Variants in ARHGAP22 observed in about 807,000 individuals in gnomAD.
ARHGAP22 encodes rho GTPase-activating protein 22.
Under a neutral mutation model 59.1 loss-of-function variants are expected in ARHGAP22, and 48 were observed. The observed-to-expected ratio is 0.81, with a 90% CI of 0.64 to 1.03. The LOEUF is 1.03. Among genes scored for constraint, ARHGAP22 ranks in the 50% least tolerant of loss-of-function variants. The pLI is 0.00. For synonymous variants in ARHGAP22, 445 were observed against 416.4 expected (o/e 1.07, Z -0.84); for missense variants, 1,015 against 958.7 (o/e 1.06, Z -0.78).
intron 2 of ARHGAP22, among the ~76,000 whole-genome samples, chr10:48,558,723 T>G (rs556488451): frequency 2.6e-5 from 4 of 152,276 alleles, no homozygotes; most frequent in South Asian, 4.1e-4. Context: ...ACCCCACCCT[T>G]GAGTTTCTAA....
At chr10:48,501,678 T>C (rs1841760064) in intron 3 of ARHGAP22, among the ~76,000 whole-genome samples, 1 of 151,180 alleles carries the variant, frequency 6.6e-6, no homozygotes, top group South Asian at 2.1e-4. Context: ...TTAGTAAACA[T>C]AACTGGGAAC....
chr10:48,654,703 G>A (rs1421019373), upstream of ARHGAP22, among the ~76,000 whole-genome samples: 1 of 152,094 alleles, frequency 6.6e-6, no homozygotes, highest in Non-Finnish European at 1.5e-5. Context: ...TGCTGTATGA[G>A]AGGAGAGAGA....
rs2045342332 is a variant in ARHGAP22, at chr10:48,446,281, C to T, written c.*110G>A. The stretch of plus-strand genomic sequence containing the variant: ...CACAGAGGTATCAGGATCTCTCTCT[C>T]TCCAGCTGGCTCCAGAGCGCCTGGC... On this transcript the variant is annotated 3_prime_UTR_variant, in exon 10 of 10. Transcript: ENST00000249601. The T allele has an allele frequency of 6.0e-6, 7 of 1,170,294 alleles. No individual in the cohort carries two copies. The East Asian group carries it at 1.4e-4, about 24-fold the overall frequency. The allele number at this position is 1,170,294 out of a possible 1,614,324, so 72.5% of individuals were successfully genotyped here. A position where few individuals can be genotyped will look rare whatever the true frequency, so the allele number is the denominator to read the frequency against.
chr10:48,540,233 C>T (rs1023287122), intron 3 of ARHGAP22, among the ~76,000 whole-genome samples: 1 of 152,204 alleles, frequency 6.6e-6, no homozygotes, highest in African/African-American at 2.4e-5. Flanking sequence ...CCATAGAGAT[C>T]AGGCAGGTAA....
At chr10:48,616,053 T>C (rs1050901883) in intron 1 of ARHGAP22, among the ~76,000 whole-genome samples, 4 of 152,178 alleles carry the variant, frequency 2.6e-5, no homozygotes, top group African/African-American at 7.2e-5. Context: ...CTCTGCTTTA[T>C]TGTGCTTCAC....
chr10:48,536,239 T>A (rs1341033161), intron 3 of ARHGAP22, among the ~76,000 whole-genome samples: 2 of 152,178 alleles, frequency 1.3e-5, no homozygotes, highest in Non-Finnish European at 2.9e-5. Context: ...CAGGGTGGTA[T>A]CTTCCAAGCT....
At chr10:48,517,639 C>T (rs145203484) in intron 3 of ARHGAP22, among the ~76,000 whole-genome samples, 43 of 152,238 alleles carry the variant, frequency 2.8e-4, no homozygotes, top group African/African-American at 7.9e-4. Context: ...AGAGCCAACC[C>T]CCTAACCCTG....
chr10:48,608,251 A>T (rs576053535), upstream of ARHGAP22, among the ~76,000 whole-genome samples: 2 of 152,292 alleles, frequency 1.3e-5, no homozygotes, highest in South Asian at 4.1e-4. Context: ...ATCTGTCCCA[A>T]GCCCCAACTT....
chr10:48,580,902 G>T (rs1250635219), intron 2 of ARHGAP22, among the ~76,000 whole-genome samples: 1 of 145,480 alleles, frequency 6.9e-6, no homozygotes, highest in East Asian at 2.1e-4. Context: ...AGGTAATATT[G>T]TCTCCATTTT....
At chr10:48,497,519 C>T (rs180727837) in intron 3 of ARHGAP22, among the ~76,000 whole-genome samples, 6 of 152,288 alleles carry the variant, frequency 3.9e-5, no homozygotes, top group East Asian at 3.9e-4. Flanking sequence ...GAGGGAGTGC[C>T]GGTGGTCAGC....
Position 48,450,641 on chromosome 10 carries a change from G to A in ARHGAP22, c.1488C>T (p.Pro496=), listed in dbSNP as rs373370400. The A allele has an allele frequency of 9.7e-6, 15 of 1,549,830 alleles. No homozygotes were observed. The African/African-American group carries it at 1.8e-4, about 18-fold the overall frequency. The change falls in exon 9 of 10, where the codon CCC becomes CCT. Residue 496 remains proline, a synonymous_variant. Coordinates refer to ENST00000249601, the MANE Select transcript of ARHGAP22 (RefSeq NM_021226.4). ...VQRLSTYDNV[P]APGLVPGIPS... ...GTATGCCGGGGACCAGGCCCGGCGC[G>A]GGCACATTGTCGTAGGTGGAGAGTC...
upstream of ARHGAP22, chr10:48,652,738 T>C (rs1164795557): frequency 6.2e-6 from 1 of 161,316 alleles, no homozygotes; most frequent in East Asian, 1.8e-4. Flanking sequence ...TAGAAATAAG[T>C]ACAAACAACA....
chr10:48,441,089 C>T (rs2045188406), downstream of ARHGAP22, among the ~76,000 whole-genome samples: 1 of 152,176 alleles, frequency 6.6e-6, no homozygotes, highest in Non-Finnish European at 1.5e-5. Context: ...CTCCAACTTA[C>T]CGCTCCAGGA....
intron 2 of ARHGAP22, among the ~76,000 whole-genome samples, chr10:48,562,554 C>T (rs2057757177): frequency 6.6e-6 from 1 of 152,128 alleles, no homozygotes; most frequent in Non-Finnish European, 1.5e-5. Flanking sequence ...AGAGTACATA[C>T]TGTGTGATTC....
chr10:48,652,295 GGCAGTCTGT>G, exon 1 of ARHGAP22: 6 of 1,535,554 alleles, frequency 3.9e-6, no homozygotes, highest in Non-Finnish European at 4.4e-6. Context: ...TAATGAAGCT[GGCAGTCTGT>G]GCAAATTTCT....
chr10:48,652,146 A>T, intron 1 of ARHGAP22: 1 of 1,287,380 alleles, frequency 7.8e-7, no homozygotes, highest in East Asian at 2.5e-5. Flanking sequence ...CCACAAGACC[A>T]AGACAGCCTC....
At chr10:48,571,338 T>G (rs1295847428) in intron 2 of ARHGAP22, among the ~76,000 whole-genome samples, 4 of 152,220 alleles carry the variant, frequency 2.6e-5, no homozygotes, top group Non-Finnish European at 4.4e-5. Flanking sequence ...CTTCATATAC[T>G]GCCCCTTAGC....
chr10:48,571,328 C>T (rs1230207960), intron 2 of ARHGAP22, among the ~76,000 whole-genome samples: 2 of 152,202 alleles, frequency 1.3e-5, no homozygotes, highest in African/African-American at 4.8e-5. Flanking sequence ...GGATTCAGAG[C>T]TTCATATACT....
At chr10:48,576,616 T>A (rs901751419) in intron 2 of ARHGAP22, among the ~76,000 whole-genome samples, 4 of 152,312 alleles carry the variant, frequency 2.6e-5, no homozygotes, top group Middle Eastern at 3.4e-3. Flanking sequence ...TATTTCACTT[T>A]TTTTTTACAA....
Sources: gnomAD v4.1 joint callset for allele counts (sites outside exome capture counted in the v4.1 genomes callset) on GRCh38, gnomAD v4.1.1 for gene constraint, MANE v1.5 for transcripts, NCBI Gene and HGNC (gene_info 2026-07-23, HGNC 2026-07-21) for gene names.